The following EFCAB3 variants were observed in gnomAD, a reference collection of about 807,000 sequenced individuals.
EFCAB3 encodes EF-hand calcium binding domain 3.
EFCAB3 carries 36 observed loss-of-function variants against 42.2 expected under a neutral mutation model. The observed-to-expected ratio is 0.85, with a 90% CI of 0.65 to 1.13. The LOEUF is 1.13. Ranked by LOEUF, EFCAB3 falls within the 50% of genes most tolerant of loss-of-function variation. The pLI, the probability that EFCAB3 is intolerant of heterozygous loss-of-function variation, is 0.00. For missense variants in EFCAB3, 418 were observed against 505.1 expected, an observed-to-expected ratio of 0.83 and a Z score of 1.65; for synonymous variants, 170 against 172.8, an observed-to-expected ratio of 0.98 and a Z score of 0.13.
intron 6 of EFCAB3, among the ~76,000 whole-genome samples, chr17:62,401,508 G>C (rs1330316860): frequency 3.9e-5 from 6 of 152,088 alleles, no homozygotes; most frequent in Admixed American, 3.3e-4. Context: ...TCTACATATG[G>C]CTAGCCAGTT....
upstream of EFCAB3, chr17:62,377,940 A>G: frequency 1.3e-6 from 2 of 1,530,030 alleles, no homozygotes; most frequent in Non-Finnish European, 1.8e-6. Flanking sequence ...AAATTCATGT[A>G]ATTTTGATTC....
At chr17:62,414,141 A>T in intron 9 of EFCAB3, among the ~76,000 whole-genome samples, 1 of 152,234 alleles carries the variant, frequency 6.6e-6, no homozygotes, top group Non-Finnish European at 1.5e-5. Context: ...CAAACTAATT[A>T]AGGTAGTTAA....
chr17:62,379,622 T>C (rs919512520), upstream of EFCAB3, among the ~76,000 whole-genome samples: 1 of 152,120 alleles, frequency 6.6e-6, no homozygotes, highest in African/African-American at 2.4e-5. Flanking sequence ...TGAGCAGGAA[T>C]AGGAAACCTC....
upstream of EFCAB3, among the ~76,000 whole-genome samples, chr17:62,375,846 T>C (rs908100126): frequency 3.3e-5 from 5 of 152,198 alleles, no homozygotes; most frequent in Non-Finnish European, 5.9e-5. Context: ...ACTTCTTCTT[T>C]TTTCCTCTTT....
At chr17:62,379,727 G>T (rs536674172), upstream of EFCAB3, among the ~76,000 whole-genome samples, 38 of 152,248 alleles carry the variant, frequency 2.5e-4, no homozygotes, top group Admixed American at 2.0e-3. Context: ...ACTTAGCCAT[G>T]ATAGACTAAA....
intron 1 of EFCAB3, among the ~76,000 whole-genome samples, chr17:62,370,668 A>G (rs1285450975): frequency 6.6e-6 from 1 of 151,270 alleles, no homozygotes; most frequent in Non-Finnish European, 1.5e-5. Flanking sequence ...AAAAAAAAAA[A>G]GAAGAAGTGT....
upstream of EFCAB3, among the ~76,000 whole-genome samples, chr17:62,378,767 G>T (rs1446974782): frequency 6.6e-6 from 1 of 151,354 alleles, no homozygotes; most frequent in Non-Finnish European, 1.5e-5. Flanking sequence ...GGCCTGTTGG[G>T]GGGTAGGGGG....
Position 62,416,286 on chromosome 17 carries a change from G to A in EFCAB3, c.1274G>A (p.Gly425Glu). Reference protein sequence around the residue: ...SDTSECYTDSGRKRKRKGLKG... With the variant: ...SDTSECYTDSERKRKRKGLKG... ...ACCAGTGAATGTTACACAGACTCAG[G>A]AAGAAAAAGAAAACGGAAAGGTTTA... Residue 425 changes from glycine (G) to glutamate (E), a missense_variant, in exon 10 of 10, where the codon GGA (glycine) becomes GAA (glutamate). Physicochemically the swap from Gly to Glu is moderately conservative, Grantham distance 98 (BLOSUM62 -2). Transcript: ENST00000305286. The A allele has an allele frequency of 6.2e-7, 1 of 1,610,716 alleles. No homozygotes were observed. Among genetic ancestry groups the A allele is most frequent in the Non-Finnish European group, 8.5e-7 (1 of 1,179,108 alleles).
In EFCAB3 at chr17:62,416,010, G is replaced by C. The variant is rs1401350394; in HGVS notation, c.998G>C (p.Arg333Thr). The change falls in exon 10 of 10, where the codon AGA becomes ACA. Residue 333 changes from arginine (R) to threonine (T), a missense_variant. Arg to Thr is a moderately conservative substitution (Grantham distance 71). Coordinates refer to ENST00000305286, the MANE Select transcript of EFCAB3 (RefSeq NM_173503.4). Reference sequence around the variant, plus strand: ...TCTGGTCTCTCACTGCAGGTGAAGAGAGCTACTGATACCTATAATTTAGGA... The same window carrying C: ...TCTGGTCTCTCACTGCAGGTGAAGACAGCTACTGATACCTATAATTTAGGA... ...DATAIKQHVK[R>T]ATDTYNLGIA... 1 of 1,609,866 alleles carries C rather than the reference G, an allele frequency of 6.2e-7. No homozygotes were observed. Among genetic ancestry groups the C allele is most frequent in the East Asian group, 2.2e-5 (1 of 44,844 alleles).
intron 5 of EFCAB3, among the ~76,000 whole-genome samples, chr17:62,394,242 C>T (rs1029118668): frequency 3.3e-5 from 5 of 152,210 alleles, no homozygotes; most frequent in African/African-American, 1.2e-4. Flanking sequence ...CGTGAGCCAC[C>T]ACGCCCAGCC....
intron 1 of EFCAB3, among the ~76,000 whole-genome samples, chr17:62,382,290 T>C (rs1461946156): frequency 6.6e-6 from 1 of 152,250 alleles, no homozygotes; most frequent in Non-Finnish European, 1.5e-5. Flanking sequence ...GAATGCTCAT[T>C]ATCTGTGTCA....
At chr17:62,397,617 C>A in intron 6 of EFCAB3, 1 of 603,518 alleles carries the variant, frequency 1.7e-6, no homozygotes, top group Non-Finnish European at 3.2e-6. Flanking sequence ...AGGAAGTGTG[C>A]CAGCATCCAG....
chr17:62,380,331 A>C (rs75329336), upstream of EFCAB3, among the ~76,000 whole-genome samples: 1,360 of 152,320 alleles, frequency 8.9e-3, 20 homozygotes, highest in African/African-American at 0.031. Flanking sequence ...AAAATATATT[A>C]ATATAGAACT....
At chr17:62,411,168 A>C (rs1024173921) in intron 8 of EFCAB3, among the ~76,000 whole-genome samples, 1 of 152,202 alleles carries the variant, frequency 6.6e-6, no homozygotes, top group African/African-American at 2.4e-5. Flanking sequence ...TCTCTTTTAA[A>C]GATAGGTTCA....
chr17:62,406,405 C>A, intron 6 of EFCAB3, 75 bp from the exon 7 acceptor site: 1 of 1,265,860 alleles, frequency 7.9e-7, no homozygotes, highest in Non-Finnish European at 1.1e-6. Context: ...GCATATGTAA[C>A]TAGCAACTTG....
chr17:62,370,375 C>T, intron 1 of EFCAB3: 1 of 1,535,976 alleles, frequency 6.5e-7, no homozygotes, highest in South Asian at 1.2e-5. Flanking sequence ...TATTTTTGGG[C>T]TGGGCATGGT....
chr17:62,391,728 A>T, intron 3 of EFCAB3, 94 bp from the exon 4 acceptor site: 1 of 1,260,312 alleles, frequency 7.9e-7, no homozygotes, highest in East Asian at 2.5e-5. Context: ...TTAGAACATG[A>T]TCTCCAGTCA....
At position 62,413,787 on chromosome 17, in the gene EFCAB3, C is replaced by A; in HGVS notation, c.923C>A (p.Thr308Asn). ...PASGYSNNIF[T>N]IDQMLKKKQT... ...TCAGGTTATTCAAATAACATCTTCA[C>A]CATTGATCAAATGCTCAAGAAAAAG... Residue 308 changes from threonine (T) to asparagine (N), a missense_variant, in exon 9 of 10, where the codon ACC becomes AAC. Thr to Asn is a moderately conservative substitution (Grantham distance 65). Transcript: ENST00000305286. The A allele has an allele frequency of 6.2e-7, 1 of 1,613,750 alleles. No individual in the cohort carries two copies. The highest frequency in any genetic ancestry group is 8.5e-7 in the Non-Finnish European group (1 of 1,179,764).
At chr17:62,403,105 A>T (rs1445876127) in intron 6 of EFCAB3, among the ~76,000 whole-genome samples, 1 of 152,176 alleles carries the variant, frequency 6.6e-6, no homozygotes, top group Non-Finnish European at 1.5e-5. Flanking sequence ...CTCTGATGGT[A>T]GTTTGTATAT....
Sources: gnomAD v4.1 joint callset for allele counts (sites outside exome capture counted in the v4.1 genomes callset) on GRCh38, gnomAD v4.1.1 for gene constraint, MANE v1.5 for transcripts, NCBI Gene and HGNC (gene_info 2026-07-23, HGNC 2026-07-21) for gene names.